SLC35A3: variants seen among roughly 807,000 people sequenced by gnomAD.
SLC35A3 encodes the protein UDP-N-acetylglucosamine transporter.
SLC35A3 carries 26 observed loss-of-function variants against 39.0 expected under a neutral mutation model. That is an observed-to-expected ratio of 0.67 (90% CI 0.49 to 0.92). The LOEUF is 0.92. SLC35A3 is among the 40% of genes least tolerant of loss of function. The pLI is 0.00. For missense variants in SLC35A3, 299 were observed against 371.6 expected (o/e 0.80, Z 1.61); for synonymous variants, 135 against 133.1 (o/e 1.01, Z -0.10).
intron 1 of SLC35A3, among the ~76,000 whole-genome samples, chr1:99,974,219 C>T (rs1483598443): frequency 6.6e-6 from 1 of 151,996 alleles, no homozygotes; most frequent in Admixed American, 6.6e-5. Flanking sequence ...ATAGTATTTT[C>T]TATCATGAGT....
At chr1:100,014,804 CATAAT>C (rs1221684877) in intron 5 of SLC35A3, among the ~76,000 whole-genome samples, 1 of 151,956 alleles carries the variant, frequency 6.6e-6, no homozygotes, top group African/African-American at 2.4e-5. Flanking sequence ...GTCTTGTAGT[CATAAT>C]ATAGTACTAA....
intron 3 of SLC35A3, among the ~76,000 whole-genome samples, chr1:100,003,339 C>G (rs1570603332): frequency 6.7e-6 from 1 of 149,458 alleles, no homozygotes; most frequent in Admixed American, 6.7e-5. Context: ...TTGCTTGAAC[C>G]CAGGAGGCGG....
At chr1:100,016,598 C>T (rs755309666) in intron 6 of SLC35A3, among the ~76,000 whole-genome samples, 58 of 151,740 alleles carry the variant, frequency 3.8e-4, no homozygotes, top group Non-Finnish European at 6.6e-4. Flanking sequence ...TGGTTTTGAT[C>T]TCCTGGCCTT....
rs749957287 is a variant in SLC35A3, at chr1:100,015,380, A to T, written c.713A>T (p.Gln238Leu). 6.2e-6 allele frequency: 10 copies of T among 1,613,150 alleles called. No individual in the cohort carries two copies. Among genetic ancestry groups the T allele is most frequent in the Non-Finnish European group, 8.5e-6 (10 of 1,179,716 alleles). The change falls in exon 6 of 8, where the codon CAG becomes CTG. Residue 238 changes from glutamine (Q) to leucine (L), a missense_variant. Transcript: ENST00000533028. ...GELVSKNGFFQGYNRLTWIVV... is the reference protein window; with the variant it reads ...GELVSKNGFFLGYNRLTWIVV... ...CTGGTATCAAAGAATGGATTTTTTCAGGGATATAACCGACTGACCTGGATA... is the reference window on the plus strand; with the variant it reads ...CTGGTATCAAAGAATGGATTTTTTCTGGGATATAACCGACTGACCTGGATA...
At chr1:100,009,324 G>A (rs1190251354) in intron 4 of SLC35A3, 2 of 151,998 alleles carry the variant, frequency 1.3e-5, no homozygotes, top group African/African-American at 4.8e-5. Context: ...TACATAAAAG[G>A]TATGTTAAAA....
intron 1 of SLC35A3, among the ~76,000 whole-genome samples, chr1:99,972,997 T>C (rs1656909247): frequency 6.6e-6 from 1 of 152,218 alleles, no homozygotes; most frequent in Admixed American, 6.5e-5. Flanking sequence ...ATAATTTGTG[T>C]CCTGAAACAT....
intron 5 of SLC35A3, among the ~76,000 whole-genome samples, chr1:100,012,044 T>C (rs1200704600): frequency 6.6e-6 from 1 of 152,040 alleles, no homozygotes; most frequent in Non-Finnish European, 1.5e-5. Flanking sequence ...TGAACGCCTT[T>C]TATTTAAGAA....
At chr1:100,015,534 T>C in intron 6 of SLC35A3, 114 bp downstream of exon 6, 3 of 1,137,520 alleles carry the variant, frequency 2.6e-6, no homozygotes, top group Non-Finnish European at 3.5e-6. Flanking sequence ...CTGTTAGTGC[T>C]CTCGTATCTA....
chr1:99,989,615 G>A (rs1289286020), intron 1 of SLC35A3, among the ~76,000 whole-genome samples: 1 of 152,002 alleles, frequency 6.6e-6, no homozygotes, highest in Non-Finnish European at 1.5e-5. Flanking sequence ...TTTTAAATTG[G>A]ATTGTCGGTC....
At chr1:99,978,221 T>C (rs983616867) in intron 1 of SLC35A3, among the ~76,000 whole-genome samples, 2 of 152,214 alleles carry the variant, frequency 1.3e-5, no homozygotes, top group Non-Finnish European at 2.9e-5. Flanking sequence ...CATACCTAGC[T>C]ATGTTTTTTA....
intron 5 of SLC35A3, among the ~76,000 whole-genome samples, chr1:100,014,807 A>G (rs1293636429): frequency 1.3e-5 from 2 of 152,102 alleles, no homozygotes; most frequent in Non-Finnish European, 2.9e-5. Context: ...TTGTAGTCAT[A>G]ATATAGTACT....
chr1:99,999,498 G>T (rs572404621), intron 3 of SLC35A3, 83 bp downstream of exon 3: 1 of 846,220 alleles, frequency 1.2e-6, no homozygotes. Flanking sequence ...GGTACATGTG[G>T]TATTTTGATA....
rs755895064 is a variant in SLC35A3, at chr1:100,011,450, T to C, written c.551T>C (p.Phe184Ser). 1.3e-6 allele frequency: 2 copies of C among 1,585,248 alleles called. No homozygotes were observed. The highest frequency in any genetic ancestry group is 4.5e-5 in the East Asian group (2 of 44,140). Residue 184 changes from phenylalanine to serine, a missense_variant, in exon 5 of 8, where the codon TTT becomes TCT. Coordinates refer to ENST00000533028, the MANE Select transcript of SLC35A3 (RefSeq NM_012243.3). ...CTCATGGCAGTTCTCACAGCATGTTTTTCAAGTGGCTTTGCTGGGGTTTAC... is the reference window on the plus strand; with the variant it reads ...CTCATGGCAGTTCTCACAGCATGTTCTTCAAGTGGCTTTGCTGGGGTTTAC... ...VGLMAVLTAC[F>S]SSGFAGVYFE... is the part of the protein sequence containing the mutation.
intron 6 of SLC35A3, among the ~76,000 whole-genome samples, chr1:100,017,260 GA>G (rs1660218597): frequency 6.6e-6 from 1 of 152,100 alleles, no homozygotes; most frequent in African/African-American, 2.4e-5. Context: ...GAAACTATAG[GA>G]AAAAAGCCAA....
rs750790116 is a variant in SLC35A3, at chr1:99,999,427, A to G, written c.342+12A>G. ...CAGCTACTTATCAGGTACTTAAAATACATTTCTTTCTTTTTTAAAAAAACT... is the reference window on the plus strand; with the variant it reads ...CAGCTACTTATCAGGTACTTAAAATGCATTTCTTTCTTTTTTAAAAAAACT... On this transcript the variant is annotated intron_variant, in intron 3 of 7. Transcript: ENST00000533028. 1 of 1,560,574 alleles carries G rather than the reference A, an allele frequency of 6.4e-7. No individual in the cohort carries two copies. Among genetic ancestry groups the G allele is most frequent in the East Asian group, 2.3e-5 (1 of 43,682 alleles).
rs1251947096 is a variant in SLC35A3, at chr1:100,031,260, G to T, written c.*8784G>T. ...TAAATTTTCTCCAGCTTTTCATTTT[G>T]CAGCATACAAAAAAATTGAAAAATT... On this transcript the variant is annotated 3_prime_UTR_variant, in exon 8 of 8. Coordinates refer to ENST00000533028, the MANE Select transcript of SLC35A3 (RefSeq NM_012243.3). The T allele has an allele frequency of 6.6e-6, 1 of 151,942 alleles. No homozygotes were observed. Among genetic ancestry groups the T allele is most frequent in the Non-Finnish European group, 1.5e-5 (1 of 67,998 alleles). 9.4% of individuals were successfully genotyped at this position (151,942 alleles called of 1,614,324 possible).
At chr1:99,999,449 A>T (rs1225057945) in intron 3 of SLC35A3, 34 bp downstream of exon 3, 1 of 1,476,562 alleles carries the variant, frequency 6.8e-7, no homozygotes, top group Non-Finnish European at 9.2e-7. Context: ...TTTTTAAAAA[A>T]ACTTTTTTCT....
intron 7 of SLC35A3, among the ~76,000 whole-genome samples, chr1:100,018,277 C>G (rs996745940): frequency 6.6e-6 from 1 of 152,116 alleles, no homozygotes; most frequent in Non-Finnish European, 1.5e-5. Context: ...AGACCCAGGA[C>G]TCTGTAGTTT....
intron 2 of SLC35A3, among the ~76,000 whole-genome samples, chr1:99,994,713 A>G (rs1404523407): frequency 6.6e-6 from 1 of 152,032 alleles, no homozygotes; most frequent in Non-Finnish European, 1.5e-5. Flanking sequence ...GGTTGTTTCC[A>G]CCTTTTGGCT....
Sources: allele counts gnomAD v4.1 joint callset (sites outside exome capture counted in the v4.1 genomes callset), GRCh38; gene constraint gnomAD v4.1.1; transcripts MANE v1.5; gene names NCBI Gene and HGNC (gene_info 2026-07-23, HGNC 2026-07-21).